GRID1: variants seen among roughly 807,000 people sequenced by gnomAD.
The protein encoded by GRID1 is glutamate receptor ionotropic, delta-1.
GRID1 carries 28 observed loss-of-function variants against 98.0 expected under a neutral mutation model. The ratio of observed to expected loss-of-function variants is 0.29; its 90% CI spans 0.21 to 0.39. GRID1 has a LOEUF of 0.39. Among genes scored for constraint, GRID1 ranks in the 10% least tolerant of loss-of-function variants. The probability of loss-of-function intolerance (pLI) is 1.00; values close to 1 mark genes in which losing one functional copy is unlikely to be tolerated. For synonymous variants in GRID1, 553 were observed against 538.5 expected (o/e 1.03, Z -0.37); for missense variants, 1,111 against 1,340.5 (o/e 0.83, Z 2.67).
Position 85,647,341 on chromosome 10 carries a change from G to A in GRID1, c.2054C>T (p.Ser685Phe), listed in dbSNP as rs1438196397. Residue 685 changes from serine to phenylalanine, a missense_variant, in exon 13 of 16, where the codon TCT (serine) becomes TTT (phenylalanine). Physicochemically the swap from Ser to Phe is radical, Grantham distance 155. This residue lies in a region of GRID1 where 762 missense variants were observed against 869.1 expected (regional missense o/e 0.88). Coordinates refer to ENST00000327946, the MANE Select transcript of GRID1 (RefSeq NM_017551.3). Reference protein sequence around the residue: ...VEMSYGTVRDSAVYEYFRAKG... With the variant: ...VEMSYGTVRDFAVYEYFRAKG... ...GGCTCGGAAGTACTCATATACAGCA[G>A]AATCCCGGACAGTGCCATAAGACAT... 1.2e-6 allele frequency: 2 copies of A among 1,614,098 alleles called. No individual in the cohort carries two copies. The highest frequency in any genetic ancestry group is 2.7e-5 in the African/African-American group (2 of 74,940).
intron 2 of GRID1, among the ~76,000 whole-genome samples, chr10:86,353,420 G>T (rs10887585): frequency 0.43 from 65,158 of 152,182 alleles, 14,879 homozygotes; most frequent in Admixed American, 0.53. Flanking sequence ...ATGTATGCAT[G>T]TGTGTACATA....
chr10:86,070,587 G>A (rs1440540807), intron 4 of GRID1, among the ~76,000 whole-genome samples: 1 of 152,150 alleles, frequency 6.6e-6, no homozygotes, highest in African/African-American at 2.4e-5. Context: ...TCTCTCCACA[G>A]TGGACACTGG....
intron 6 of GRID1, among the ~76,000 whole-genome samples, chr10:85,868,510 C>A (rs1843244513): frequency 6.6e-6 from 1 of 152,190 alleles, no homozygotes; most frequent in Non-Finnish European, 1.5e-5. Flanking sequence ...TATGGTCCTG[C>A]TGTCCTGCCC....
intron 4 of GRID1, among the ~76,000 whole-genome samples, chr10:86,017,674 C>A (rs1842996980): frequency 6.6e-6 from 1 of 152,190 alleles, no homozygotes; most frequent in South Asian, 2.1e-4. Context: ...GCCACAGTAT[C>A]CAGCTGACAA....
At chr10:85,932,853 G>A (rs1403735873) in intron 4 of GRID1, among the ~76,000 whole-genome samples, 6 of 152,034 alleles carry the variant, frequency 3.9e-5, no homozygotes, top group African/African-American at 7.2e-5. Flanking sequence ...GACAGAAGAG[G>A]GAAAATCGGC....
chr10:86,138,928 G>A lies in GRID1; in HGVS notation c.617C>T (p.Thr206Ile). ...TGTCTTCATCGTGGTGAAGAGGCTG[G>A]TGAATACGTGGCTAATGTTCTTGTC... ...KVDKNISHVF[T>I]SLFTTMKTEE... is the part of the protein sequence containing the mutation. The change falls in exon 4 of 16, where the codon ACC becomes ATC. Residue 206 changes from threonine to isoleucine, a missense_variant. By Grantham distance (89) the Thr-to-Ile change is moderately conservative. Around this residue, in one of 3 missense-constraint regions of GRID1, gnomAD observed 346 missense variants for 452.3 expected, o/e 0.76. Transcript: ENST00000327946. 6.2e-7 allele frequency: 1 copy of A among 1,613,864 alleles called. No homozygotes were observed. Among genetic ancestry groups the A allele is most frequent in the Non-Finnish European group, 8.5e-7 (1 of 1,179,686 alleles).
At chr10:86,098,733 G>C (rs1844254922) in intron 4 of GRID1, among the ~76,000 whole-genome samples, 1 of 152,162 alleles carries the variant, frequency 6.6e-6, no homozygotes, top group South Asian at 2.1e-4. Context: ...AATTTGCATT[G>C]TTTTGATTAC....
intron 4 of GRID1, among the ~76,000 whole-genome samples, chr10:85,994,917 A>T (rs1842722783): frequency 6.6e-6 from 1 of 152,246 alleles, no homozygotes; most frequent in Non-Finnish European, 1.5e-5. Context: ...CATTTGGCTT[A>T]TATTTTTAAA....
At chr10:85,836,786 G>T (rs943190059) in intron 8 of GRID1, among the ~76,000 whole-genome samples, 7 of 152,020 alleles carry the variant, frequency 4.6e-5, no homozygotes, top group Non-Finnish European at 1.0e-4. Flanking sequence ...TCCAACCTGA[G>T]CACTCCTTGG....
chr10:86,354,182 G>C (rs779509658), intron 2 of GRID1, among the ~76,000 whole-genome samples: 8 of 152,180 alleles, frequency 5.3e-5, no homozygotes, highest in Admixed American at 6.5e-5. Context: ...TTCCAGGCCA[G>C]GCCAGGACCC....
intron 5 of GRID1, among the ~76,000 whole-genome samples, chr10:85,872,099 T>C (rs1843283798): frequency 6.6e-6 from 1 of 152,144 alleles, no homozygotes; most frequent in Non-Finnish European, 1.5e-5. Context: ...TGGATGTGCA[T>C]GCTCAGCTCT....
intron 4 of GRID1, among the ~76,000 whole-genome samples, chr10:85,978,086 A>C (rs944994239): frequency 6.6e-6 from 1 of 152,174 alleles, no homozygotes; most frequent in African/African-American, 2.4e-5. Flanking sequence ...GGTTATCCTT[A>C]TAGTTCTTGC....
At chr10:85,806,407 AG>A (rs1206620953) in intron 8 of GRID1, among the ~76,000 whole-genome samples, 8 of 152,208 alleles carry the variant, frequency 5.3e-5, no homozygotes, top group Admixed American at 3.9e-4. Context: ...GCAATTTCTT[AG>A]ACTGTGTTCT....
At chr10:85,685,031 A>G (rs752445348) in intron 12 of GRID1, among the ~76,000 whole-genome samples, 1 of 152,184 alleles carries the variant, frequency 6.6e-6, no homozygotes, top group African/African-American at 2.4e-5. Flanking sequence ...TTGGGGAGAG[A>G]TGTAATTCAG....
intron 4 of GRID1, among the ~76,000 whole-genome samples, chr10:86,115,408 T>C (rs905014658): frequency 6.6e-6 from 1 of 152,200 alleles, no homozygotes; most frequent in Admixed American, 6.5e-5. Flanking sequence ...GAATCCACTG[T>C]TCAGTTCCCT....
At chr10:86,292,788 A>T (rs1847534680) in intron 2 of GRID1, among the ~76,000 whole-genome samples, 2 of 151,294 alleles carry the variant, frequency 1.3e-5, no homozygotes, top group African/African-American at 4.9e-5. Context: ...GGGTGTGTGT[A>T]TGCAAGTGTG....
intron 13 of GRID1, among the ~76,000 whole-genome samples, chr10:85,639,783 G>T (rs1038596974): frequency 6.6e-6 from 1 of 152,192 alleles, no homozygotes. Flanking sequence ...TGAGGCAGGA[G>T]AATCGCTTGA....
chr10:86,312,543 A>G (rs1388414639), intron 2 of GRID1, among the ~76,000 whole-genome samples: 1 of 152,060 alleles, frequency 6.6e-6, no homozygotes, highest in Non-Finnish European at 1.5e-5. Context: ...CCCATCTTAG[A>G]CCCCAAGGGC....
intron 3 of GRID1, among the ~76,000 whole-genome samples, chr10:86,183,279 G>A (rs1845682263): frequency 1.3e-5 from 2 of 152,040 alleles, no homozygotes; most frequent in Non-Finnish European, 1.5e-5. Context: ...GTTGTTGCTT[G>A]TACCAATAAT....
Sources: allele counts gnomAD v4.1 joint callset (sites outside exome capture counted in the v4.1 genomes callset), GRCh38; gene constraint gnomAD v4.1.1; regional missense constraint gnomAD v4.1.1; transcripts MANE v1.5; gene names NCBI Gene and HGNC (gene_info 2026-07-23, HGNC 2026-07-21).